Variants in GUCY2D observed in about 807,000 individuals in gnomAD.
GUCY2D encodes guanylate cyclase 2D, retinal.
A neutral mutation model predicts 101.3 loss-of-function variants in GUCY2D; 70 were observed. That is an observed-to-expected ratio of 0.69 (90% CI 0.57 to 0.84). The LOEUF (loss-of-function observed/expected upper bound fraction) is 0.84, where lower values mean the gene tolerates loss of function less well. Ranked by LOEUF, GUCY2D falls within the 40% of genes least tolerant of loss-of-function variation. The pLI is 0.00. For missense variants in GUCY2D, 1,460 were observed against 1,542.5 expected (o/e 0.95, Z 0.90); for synonymous variants, 688 against 670.7 (o/e 1.03, Z -0.40).
At chr17:8,009,779 C>A (rs1488479215) in intron 8 of GUCY2D, among the ~76,000 whole-genome samples, 193 bp downstream of exon 8, 1 of 152,070 alleles carries the variant, frequency 6.6e-6, no homozygotes, top group African/African-American at 2.4e-5. Flanking sequence ...GAGTTCAAGA[C>A]CAGCCTGGGC....
rs548756390 is a variant in GUCY2D at position 8,007,485 on chromosome 17, A to G, written c.1523A>G (p.Asp508Gly). The change falls in exon 6 of 20, where the codon GAC (aspartate) becomes GGC (glycine). Residue 508 changes from aspartate to glycine, a missense_variant. This residue lies in a region of GUCY2D where 1,196 missense variants were observed against 1,229.6 expected (regional missense o/e 0.97). Coordinates refer to ENST00000254854, the MANE Select transcript of GUCY2D (RefSeq NM_000180.4). ...CCCAACAAGATCATCCTGACCGTGGACGACATCACCTTTCTCCACCCACAT... is the reference window on the plus strand; with the variant it reads ...CCCAACAAGATCATCCTGACCGTGGGCGACATCACCTTTCTCCACCCACAT... ...SGPNKIILTVDDITFLHPHGG... is the reference protein window; with the variant it reads ...SGPNKIILTVGDITFLHPHGG... The G allele has an allele frequency of 6.2e-7, 1 of 1,613,430 alleles. No homozygotes were observed. Among genetic ancestry groups the G allele is most frequent in the East Asian group, 2.2e-5 (1 of 44,868 alleles).
chr17:8,003,028 T>C lies in GUCY2D; in HGVS notation c.-9-11T>C. ...TCTCAGTCGCTCAGCCTGCTCCGTC[T>C]GTGTTCGCAGAAGCCGGCAATGACC... On this transcript the variant is annotated splice_polypyrimidine_tract_variant and intron_variant, in intron 1 of 19. Coordinates refer to ENST00000254854, the MANE Select transcript of GUCY2D (RefSeq NM_000180.4). The C allele has an allele frequency of 1.3e-6, 2 of 1,523,816 alleles. No homozygotes were observed. The highest frequency in any genetic ancestry group is 1.8e-6 in the Non-Finnish European group (2 of 1,141,566). 94.4% of individuals were successfully genotyped at this position (1,523,816 alleles called of 1,614,324 possible).
chr17:8,007,383 G>C lies in GUCY2D; in HGVS notation c.1464-43G>C, dbSNP rs201119605. ...GCATCCCCTGCTGGTCTCTTCTGACGGAACTTGGTGCCCTTGGTGGAGGTG... is the reference window on the plus strand; with the variant it reads ...GCATCCCCTGCTGGTCTCTTCTGACCGAACTTGGTGCCCTTGGTGGAGGTG... On this transcript the variant is annotated intron_variant, in intron 5 of 19. Transcript: ENST00000254854. 4.5e-6 allele frequency: 6 copies of C among 1,332,982 alleles called. No homozygotes were observed. In the Admixed American group the frequency reaches 5.0e-5, roughly 11 times the overall value. The allele number at this position is 1,332,982 out of a possible 1,614,324, so 82.6% of individuals were successfully genotyped here.
rs1975902432 is a variant in GUCY2D at position 8,013,709 on chromosome 17, C to T, written c.2264-171C>T. On this transcript the variant is annotated intron_variant, in intron 11 of 19. Coordinates refer to ENST00000254854, the MANE Select transcript of GUCY2D (RefSeq NM_000180.4). The surrounding 1 kb of genome is among the most constrained non-coding windows in gnomAD (Gnocchi z 5.0). Reference sequence around the variant, plus strand: ...GAGGTCCTCTTGTTCCTCCTAGCAACCCCCTTCCACACTATACTCTCCCTC... The same window carrying T: ...GAGGTCCTCTTGTTCCTCCTAGCAATCCCCTTCCACACTATACTCTCCCTC... 4 of 646,316 alleles carry T rather than the reference C, an allele frequency of 6.2e-6. No homozygotes were observed. Among genetic ancestry groups the T allele is most frequent in the Non-Finnish European group, 1.1e-5 (4 of 363,046 alleles). 40.0% of individuals were successfully genotyped at this position (646,316 alleles called of 1,614,324 possible).
Position 8,014,941 on chromosome 17 carries a change from G to T in GUCY2D, c.2659G>T (p.Val887Leu), listed in dbSNP as rs1365519533. ...AGTGACACTGTACTTTAGTGACATTGTGGGCTTCACCACCATCTCTGCCAT... is the reference window on the plus strand; with the variant it reads ...AGTGACACTGTACTTTAGTGACATTTTGGGCTTCACCACCATCTCTGCCAT... ...EQVTLYFSDI[V>L]GFTTISAMSE... Residue 887 changes from valine (V) to leucine (L), a missense_variant, in exon 14 of 20, where the codon GTG becomes TTG. Transcript: ENST00000254854. The surrounding 1 kb of genome is among the most constrained non-coding windows in gnomAD (Gnocchi z 4.0). The T allele has an allele frequency of 1.8e-5, 29 of 1,613,920 alleles. No individual in the cohort carries two copies. Among genetic ancestry groups the T allele is most frequent in the Non-Finnish European group, 2.3e-5 (27 of 1,179,916 alleles).
rs1975853954 is a variant in GUCY2D, at chr17:8,011,717, T to C, written c.1750-427T>C. On this transcript the variant is annotated intron_variant, in intron 8 of 19. Transcript: ENST00000254854. This position sits in a 1 kb window ranked among gnomAD's most constrained non-coding sequence, Gnocchi z 4.3. The stretch of plus-strand genomic sequence containing the variant: ...GGTGGCACAAGCCTGTAGTCCCAGC[T>C]ATTCAGGAGGCTGAGGTAGGAGGAT... Among the ~76,000 whole-genome samples the C allele has an allele frequency of 6.6e-6, 1 of 152,152 alleles. No homozygotes were observed. Among genetic ancestry groups the C allele is most frequent in the African/African-American group, 2.4e-5 (1 of 41,436 alleles).
chr17:8,008,875 T>C (rs1177344986), intron 7 of GUCY2D, among the ~76,000 whole-genome samples: 1 of 152,146 alleles, frequency 6.6e-6, no homozygotes, highest in African/African-American at 2.4e-5. Flanking sequence ...CCTTCTAAAT[T>C]CCCTTCTAGT....
intron 7 of GUCY2D, among the ~76,000 whole-genome samples, chr17:8,008,973 T>C (rs929514713): frequency 1.3e-5 from 2 of 152,198 alleles, no homozygotes; most frequent in Admixed American, 6.5e-5. Context: ...CGTTCATTCA[T>C]GATGATGGCA....
chr17:8,015,237 C>A lies in GUCY2D; in HGVS notation c.2770-91C>A. ...CACTAGCAACCTGGTTCTGCACTAA[C>A]CCCAGGTGGGCCCGGTGACAAGAGG... On this transcript the variant is annotated intron_variant, in intron 14 of 19. Transcript: ENST00000254854. 4.7e-6 allele frequency: 6 copies of A among 1,280,792 alleles called. No homozygotes were observed. The South Asian group carries it at 4.8e-5, about 10-fold the overall frequency. The allele number at this position is 1,280,792 out of a possible 1,614,324, so 79.3% of individuals were successfully genotyped here.
Position 8,015,956 on chromosome 17 carries a change from G to C in GUCY2D, c.3073G>C (p.Val1025Leu). The C allele has an allele frequency of 3.7e-6, 6 of 1,612,266 alleles. No individual in the cohort carries two copies. The highest frequency in any genetic ancestry group is 3.3e-5 in the South Asian group (3 of 90,622). Reference protein sequence around the residue: ...PYRIHVNLSTVGILRALDSGY... With the variant: ...PYRIHVNLSTLGILRALDSGY... ...CCGCATCCACGTGAACTTGAGCACT[G>C]TGGGGATTCTCCGTGCTCTGGACTC... The change falls in exon 17 of 20, where the codon GTG becomes CTG. Residue 1025 changes from valine (V) to leucine (L), a missense_variant. Val to Leu is a conservative substitution (Grantham distance 32, BLOSUM62 1). Around this residue, in one of 3 missense-constraint regions of GUCY2D, gnomAD observed 215 missense variants for 227.9 expected, o/e 0.94. Coordinates refer to ENST00000254854, the MANE Select transcript of GUCY2D (RefSeq NM_000180.4).
In GUCY2D at chr17:8,015,793, T is replaced by C; in HGVS notation, c.2995T>C (p.Phe999Leu). 1 of 1,612,780 alleles carries C rather than the reference T, an allele frequency of 6.2e-7. No individual in the cohort carries two copies. Among genetic ancestry groups the C allele is most frequent in the Non-Finnish European group, 8.5e-7 (1 of 1,179,628 alleles). Residue 999 changes from phenylalanine (F) to leucine (L), a missense_variant, in exon 16 of 20, where the codon TTT (phenylalanine) becomes CTT (leucine). Phe to Leu is a conservative substitution (Grantham distance 22). Around this residue, in one of 3 missense-constraint regions of GUCY2D, gnomAD observed 215 missense variants for 227.9 expected, o/e 0.94. Transcript: ENST00000254854. The part of the protein sequence containing the change: ...VGLTMPRYCL[F>L]GDTVNTASRM... ...CCTCACCATGCCGCGGTACTGCCTG[T>C]TTGGGGACACGGTCAACACCGCCTC...
intron 19 of GUCY2D, among the ~76,000 whole-genome samples, chr17:8,017,787 G>T (rs1190680149): frequency 2.0e-5 from 3 of 152,038 alleles, no homozygotes; most frequent in African/African-American, 7.2e-5. Flanking sequence ...CCTCCTCTCA[G>T]GTTCAAGTGA....
intron 5 of GUCY2D, 109 bp downstream of exon 5, chr17:8,007,253 T>C: frequency 2.0e-6 from 2 of 989,886 alleles, no homozygotes; most frequent in South Asian, 2.6e-5. Flanking sequence ...AGATTTTTCT[T>C]GGGGTGAGGG....
rs147164228 is a variant in GUCY2D, at chr17:8,004,436, C to G, written c.1026+280C>G. The stretch of plus-strand genomic sequence containing the variant: ...TTTTGCAATTGGCTTCAAAGTAAAC[C>G]CGTTTCCACCACCACATACTCCCAG... On this transcript the variant is annotated intron_variant, in intron 3 of 19. Coordinates refer to ENST00000254854, the MANE Select transcript of GUCY2D (RefSeq NM_000180.4). Among the ~76,000 whole-genome samples the G allele has an allele frequency of 9.2e-3, 1,405 of 152,250 alleles. 35 individuals are homozygous for G. The highest frequency in any genetic ancestry group is 0.051 in the South Asian group (246 of 4,830).
chr17:8,003,226 G>A lies in GUCY2D; in HGVS notation c.179G>A (p.Gly60Asp). ...LSAVFTVGVL[G>D]PWACDPIFSR... ...GCCGTGTTCACGGTGGGGGTCCTGGGCCCCTGGGCTTGCGACCCCATCTTC... is the reference window on the plus strand; with the variant it reads ...GCCGTGTTCACGGTGGGGGTCCTGGACCCCTGGGCTTGCGACCCCATCTTC... The change falls in exon 2 of 20, where the codon GGC becomes GAC. Residue 60 changes from glycine (G) to aspartate (D), a missense_variant. By Grantham distance (94) the Gly-to-Asp change is moderately conservative. Transcript: ENST00000254854. The A allele has an allele frequency of 6.6e-7, 1 of 1,518,890 alleles. No individual in the cohort carries two copies. Among genetic ancestry groups the A allele is most frequent in the Non-Finnish European group, 8.8e-7 (1 of 1,138,476 alleles). 94.1% of individuals were successfully genotyped at this position (1,518,890 alleles called of 1,614,324 possible). A position where few individuals can be genotyped will look rare whatever the true frequency, so the allele number is the denominator to read the frequency against.
chr17:8,015,120 CCT>C, intron 14 of GUCY2D, 69 bp downstream of exon 14: 1 of 1,352,342 alleles, frequency 7.4e-7, no homozygotes, highest in Middle Eastern at 2.0e-4. Flanking sequence ...CCCAGCCCTT[CCT>C]GCGCAGCCCC....
Position 8,014,120 on chromosome 17 carries a change from G to A in GUCY2D, c.2412+92G>A. The A allele has an allele frequency of 8.1e-7, 1 of 1,232,456 alleles. No homozygotes were observed. Among genetic ancestry groups the A allele is most frequent in the Non-Finnish European group, 1.2e-6 (1 of 844,942 alleles). The allele number at this position is 1,232,456 out of a possible 1,614,324, so 76.3% of individuals were successfully genotyped here. On this transcript the variant is annotated intron_variant, in intron 12 of 19. Transcript: ENST00000254854. The surrounding 1 kb of genome is among the most constrained non-coding windows in gnomAD (Gnocchi z 4.0). ...GAGACAGCTGCAGACAGGCAGGCTG[G>A]CAGGACCTCTGGCCTTCCAGGCTAC...
At chr17:8,004,619 T>A (rs1975705286) in intron 3 of GUCY2D, among the ~76,000 whole-genome samples, 2 of 152,126 alleles carry the variant, frequency 1.3e-5, no homozygotes, top group South Asian at 4.1e-4. Flanking sequence ...GAAAGTTCCC[T>A]GGGTGGATTC....
At chr17:8,004,292 G>C (rs896711652) in intron 3 of GUCY2D, 136 bp downstream of exon 3, 75 of 812,482 alleles carry the variant, frequency 9.2e-5, no homozygotes, top group Middle Eastern at 3.6e-4. Context: ...GTAATGTAGA[G>C]GCTCTGGCCC....
Sources: allele counts gnomAD v4.1 joint callset (sites outside exome capture counted in the v4.1 genomes callset), GRCh38; gene constraint gnomAD v4.1.1; regional missense constraint gnomAD v4.1.1; non-coding constraint Gnocchi (gnomAD v3.1); transcripts MANE v1.5; gene names NCBI Gene and HGNC (gene_info 2026-07-23, HGNC 2026-07-21).